ZMYM5: variants seen among roughly 807,000 people sequenced by gnomAD.
ZMYM5 encodes zinc finger MYM-type protein 5.
Under a neutral mutation model 61.8 loss-of-function variants are expected in ZMYM5, and 41 were observed. The ratio of observed to expected loss-of-function variants is 0.66; its 90% CI spans 0.52 to 0.86. The LOEUF (loss-of-function observed/expected upper bound fraction) is 0.86. ZMYM5 is among the 40% of genes least tolerant of loss of function. The pLI, the probability that ZMYM5 is intolerant of heterozygous loss-of-function variation, is 0.00. For missense variants in ZMYM5, 706 were observed against 786.7 expected (o/e 0.90, Z 1.23); for synonymous variants, 257 against 276.4 (o/e 0.93, Z 0.70).
chr13:19,829,130 C>A (rs541578408), intron 7 of ZMYM5, among the ~76,000 whole-genome samples: 10 of 152,004 alleles, frequency 6.6e-5, no homozygotes, highest in Admixed American at 2.0e-4. Context: ...ACAAAAAAAA[C>A]CAGATACATT....
chr13:19,832,763 C>A (rs1480489359), intron 7 of ZMYM5, among the ~76,000 whole-genome samples: 1 of 152,010 alleles, frequency 6.6e-6, no homozygotes, highest in Non-Finnish European at 1.5e-5. Context: ...AATATTAAGT[C>A]TTTTTAAATT....
chr13:19,838,933 C>T lies in ZMYM5; in HGVS notation c.639G>A (p.Gly213=), dbSNP rs1263287045. 6.2e-7 allele frequency: 1 copy of T among 1,614,050 alleles called. No individual in the cohort carries two copies. The highest frequency in any genetic ancestry group is 2.2e-5 in the East Asian group (1 of 44,874). The change falls in exon 5 of 8, where the codon GGG becomes GGA. Residue 213 remains glycine (G), a synonymous_variant. Transcript: ENST00000337963. The part of the protein sequence containing the change: ...ASFPSNQKQP[G]VDSLSPVALL... ...AGGCCACTGGTGATAAAGAATCCAC[C>T]CCTGGCTGTTTCTGATTACTGGGAA...
chr13:19,839,773 A>C (rs1451321045), intron 4 of ZMYM5, among the ~76,000 whole-genome samples: 1 of 152,192 alleles, frequency 6.6e-6, no homozygotes, highest in Admixed American at 6.6e-5. Flanking sequence ...CTTACTTTCA[A>C]AATACTTTAG....
rs1183529891 is a variant in ZMYM5, at chr13:19,824,767, T to A, written c.1720A>T (p.Thr574Ser). The A allele has an allele frequency of 5.9e-6, 8 of 1,359,920 alleles. No homozygotes were observed. Among genetic ancestry groups the A allele is most frequent in the African/African-American group, 4.4e-5 (3 of 67,782 alleles). The allele number at this position is 1,359,920 out of a possible 1,614,324, so 84.2% of individuals were successfully genotyped here. A position where few individuals can be genotyped will look rare whatever the true frequency, so the allele number is the denominator to read the frequency against. The change falls in exon 8 of 8, where the codon ACC becomes TCC. Residue 574 changes from threonine to serine, a missense_variant. This residue lies in a region of ZMYM5 where 226 missense variants were observed against 325.0 expected (regional missense o/e 0.70). Transcript: ENST00000337963. ...YTRILPNGEK[T>S]TRSWLLYSTS... is the part of the protein sequence containing the mutation. ...GAATAAAGTAACCAGGATCTAGTGG[T>A]TTTTTCACCATTTGGAAGAATCCGT...
At position 19,851,678 on chromosome 13, in the gene ZMYM5, C is replaced by T. The variant is rs143789217; in HGVS notation, c.492+11G>A. On this transcript the variant is annotated intron_variant, in intron 3 of 7. Coordinates refer to ENST00000337963, the MANE Select transcript of ZMYM5 (RefSeq NM_001142684.2). ...TGTAGTGATACCACTATTACCCATT[C>T]CTGCATTTACCTTACTTCTTGAAAG... 6,557 of 1,559,066 alleles carry T rather than the reference C, an allele frequency of 4.2e-3. 74 individuals are homozygous for T. Among genetic ancestry groups the T allele is most frequent in the South Asian group, 0.025 (1,993 of 78,818 alleles).
intron 7 of ZMYM5, among the ~76,000 whole-genome samples, chr13:19,829,639 A>G (rs1451722053): frequency 2.0e-5 from 3 of 152,098 alleles, no homozygotes; most frequent in Admixed American, 1.3e-4. Flanking sequence ...GGAGGAGTAC[A>G]GTGGCTATTC....
chr13:19,845,260 T>C (rs942268060), intron 4 of ZMYM5, among the ~76,000 whole-genome samples: 2 of 152,178 alleles, frequency 1.3e-5, no homozygotes, highest in African/African-American at 4.8e-5. Flanking sequence ...CAGCCTTGTA[T>C]TAGAAAAAGA....
intron 2 of ZMYM5, among the ~76,000 whole-genome samples, chr13:19,862,009 C>T (rs1023670267): frequency 6.6e-6 from 1 of 152,106 alleles, no homozygotes; most frequent in Non-Finnish European, 1.5e-5. Context: ...TGTCAGGGTA[C>T]ATAAATAACA....
intron 2 of ZMYM5, among the ~76,000 whole-genome samples, chr13:19,859,452 G>C (rs1953642814): frequency 6.6e-6 from 1 of 152,090 alleles, no homozygotes; most frequent in Admixed American, 6.5e-5. Context: ...ACCCAGGCTG[G>C]AGTGCAGTGG....
chr13:19,834,101 A>G (rs12184692), intron 7 of ZMYM5, among the ~76,000 whole-genome samples: 17,308 of 152,192 alleles, frequency 0.11, 1,254 homozygotes, highest in African/African-American at 0.2. Flanking sequence ...CTCAGCCTCC[A>G]GAGTAGCTGG....
chr13:19,855,822 T>C (rs1181562260), intron 2 of ZMYM5, among the ~76,000 whole-genome samples: 1 of 151,056 alleles, frequency 6.6e-6, no homozygotes, highest in African/African-American at 2.4e-5. Flanking sequence ...CCATCCTGGC[T>C]AACACGGTGA....
At chr13:19,845,374 C>A (rs920235266) in intron 4 of ZMYM5, among the ~76,000 whole-genome samples, 1 of 152,226 alleles carries the variant, frequency 6.6e-6, no homozygotes, top group Non-Finnish European at 1.5e-5. Context: ...TGCAAAACCT[C>A]TGGCAATGGC....
chr13:19,838,963 A>G lies in ZMYM5; in HGVS notation c.609T>C (p.Ala203=), dbSNP rs1424279798. 2.5e-6 allele frequency: 4 copies of G among 1,612,888 alleles called. No individual in the cohort carries two copies. Among genetic ancestry groups the G allele is most frequent in the Non-Finnish European group, 2.5e-6 (3 of 1,179,174 alleles). Reference sequence around the variant, plus strand: ...GCTGTTTCTGATTACTGGGAAATGAAGCTGACTGGGAGATCCAAGAATCTT... The same window carrying G: ...GCTGTTTCTGATTACTGGGAAATGAGGCTGACTGGGAGATCCAAGAATCTT... ...HSPDSWISQS[A]SFPSNQKQPG... is the part of the protein sequence containing the mutation. Residue 203 remains alanine (A), a synonymous_variant, in exon 5 of 8, where the codon GCT becomes GCC. Coordinates refer to ENST00000337963, the MANE Select transcript of ZMYM5 (RefSeq NM_001142684.2).
chr13:19,826,225 G>A (rs1030553238), intron 7 of ZMYM5, among the ~76,000 whole-genome samples: 1 of 151,760 alleles, frequency 6.6e-6, no homozygotes, highest in Non-Finnish European at 1.5e-5. Flanking sequence ...GGTGGCAGGC[G>A]CCTGTAATTC....
chr13:19,825,117 T>C lies in ZMYM5; in HGVS notation c.1370A>G (p.Glu457Gly). The C allele has an allele frequency of 7.3e-7, 1 of 1,363,770 alleles. No homozygotes were observed. Among genetic ancestry groups the C allele is most frequent in the Non-Finnish European group, 9.8e-7 (1 of 1,020,048 alleles). 84.5% of individuals were successfully genotyped at this position (1,363,770 alleles called of 1,614,324 possible). A position where few individuals can be genotyped will look rare whatever the true frequency, so the allele number is the denominator to read the frequency against. ...GSSNTLLKKI[E>G]GIPEKKEKTS... ...CTTTTCCTTTTTTTCTGGGATTCCC[T>C]CTATTTTTTTCAAAAGTGTATTTGA... is the stretch of plus-strand genomic sequence containing the variant. Residue 457 changes from glutamate to glycine, a missense_variant, in exon 8 of 8, where the codon GAG (glutamate) becomes GGG (glycine). Physicochemically the swap from Glu to Gly is moderately conservative, Grantham distance 98 (BLOSUM62 -2). Around this residue, in one of 2 missense-constraint regions of ZMYM5, gnomAD observed 226 missense variants for 325.0 expected, o/e 0.70. Coordinates refer to ENST00000337963, the MANE Select transcript of ZMYM5 (RefSeq NM_001142684.2).
Position 19,824,602 on chromosome 13 carries a change from C to T in ZMYM5, c.1885G>A (p.Val629Ile), listed in dbSNP as rs9508908. The change falls in exon 8 of 8, where the codon GTC becomes ATC. Residue 629 changes from valine to isoleucine, a missense_variant. Transcript: ENST00000337963. ...TTTGAGTACTTAACACTATTGTTGA[C>T]GTGCATTTCACTTTCTTCATGTTTA... ...LSKHEESEMH[V>I]NNSVKYSKLK... 0.86 allele frequency: 1,128,367 copies of T among 1,314,866 alleles called. 487,272 individuals are homozygous for T. Among genetic ancestry groups the T allele is most frequent in the East Asian group, 0.97 (19,672 of 20,370 alleles). The allele number at this position is 1,314,866 out of a possible 1,614,324, so 81.4% of individuals were successfully genotyped here.
Position 19,825,121 on chromosome 13 carries a change from T to C in ZMYM5, c.1366A>G (p.Ile456Val). 7.3e-7 allele frequency: 1 copy of C among 1,363,178 alleles called. No individual in the cohort carries two copies. Among genetic ancestry groups the C allele is most frequent in the Non-Finnish European group, 9.8e-7 (1 of 1,019,790 alleles). 84.4% of individuals were successfully genotyped at this position (1,363,178 alleles called of 1,614,324 possible). A position where few individuals can be genotyped will look rare whatever the true frequency, so the allele number is the denominator to read the frequency against. ...TCCTTTTTTTCTGGGATTCCCTCTA[T>C]TTTTTTCAAAAGTGTATTTGACGAT... Reference protein sequence around the residue: ...YGSSNTLLKKIEGIPEKKEKT... With the variant: ...YGSSNTLLKKVEGIPEKKEKT... Residue 456 changes from isoleucine to valine, a missense_variant, in exon 8 of 8, where the codon ATA becomes GTA. Physicochemically the swap from Ile to Val is conservative, Grantham distance 29 (BLOSUM62 3). Coordinates refer to ENST00000337963, the MANE Select transcript of ZMYM5 (RefSeq NM_001142684.2).
intron 2 of ZMYM5, among the ~76,000 whole-genome samples, chr13:19,853,401 T>C (rs530284371): frequency 1.3e-5 from 2 of 152,254 alleles, no homozygotes; most frequent in East Asian, 3.9e-4. Context: ...AATTGGAATG[T>C]TATGTAGGTA....
At chr13:19,860,332 G>C (rs552569655) in intron 2 of ZMYM5, among the ~76,000 whole-genome samples, 28 of 137,414 alleles carry the variant, frequency 2.0e-4, no homozygotes, top group Non-Finnish European at 3.9e-4. Flanking sequence ...TGCTCTTGTT[G>C]CCCAGACTGG....
Sources: allele counts gnomAD v4.1 joint callset (sites outside exome capture counted in the v4.1 genomes callset), GRCh38; gene constraint gnomAD v4.1.1; regional missense constraint gnomAD v4.1.1; transcripts MANE v1.5; gene names NCBI Gene and HGNC (gene_info 2026-07-23, HGNC 2026-07-21).